CD101: variants seen among roughly 807,000 people sequenced by gnomAD.
CD101 encodes the protein immunoglobulin superfamily member 2.
Under a neutral mutation model 98.2 loss-of-function variants are expected in CD101, and 76 were observed. The ratio of observed to expected loss-of-function variants is 0.77; its 90% CI spans 0.64 to 0.94. CD101 has a LOEUF of 0.94. Ranked by LOEUF, CD101 falls within the 40% of genes least tolerant of loss-of-function variation. CD101 has a pLI of 0.00. For missense variants in CD101, 1,145 were observed against 1,218.8 expected (o/e 0.94, Z 0.90); for synonymous variants, 471 against 472.7 (o/e 1.00, Z 0.05).
intron 9 of CD101, among the ~76,000 whole-genome samples, chr1:117,035,321 A>G (rs531577727): frequency 6.6e-6 from 1 of 152,322 alleles, no homozygotes; most frequent in East Asian, 1.9e-4. Flanking sequence ...AGTTTTAATT[A>G]TTTGATCAGG....
At chr1:117,002,789 T>C (rs538504411) in intron 1 of CD101, among the ~76,000 whole-genome samples, 5 of 152,318 alleles carry the variant, frequency 3.3e-5, no homozygotes, top group African/African-American at 1.2e-4. Context: ...TTCAAAGTAA[T>C]GATGAGTATA....
In CD101 at chr1:117,010,785, T is replaced by A. The variant is rs1334307420; in HGVS notation, c.424+555T>A. ...AGGACCCAGTTTAGATATTACCTCT[T>A]CTGTGGAACTCATCTTGACTGCTTG... On this transcript the variant is annotated intron_variant, in intron 2 of 9. Transcript: ENST00000682167. This position sits in a 1 kb window ranked among gnomAD's most constrained non-coding sequence, Gnocchi z 5.2. Among the ~76,000 whole-genome samples the A allele has an allele frequency of 6.6e-6, 1 of 152,230 alleles. No homozygotes were observed. Among genetic ancestry groups the A allele is most frequent in the Admixed American group, 6.5e-5 (1 of 15,284 alleles).
intron 8 of CD101, among the ~76,000 whole-genome samples, chr1:117,027,978 G>C (rs1446924412): frequency 6.6e-6 from 1 of 152,184 alleles, no homozygotes; most frequent in Admixed American, 6.5e-5. Flanking sequence ...CCAGCTACTC[G>C]GGAGGCTGAG....
rs888326244 is a variant in CD101 at position 117,004,627 on chromosome 1, C to T, written c.43+2767C>T. 1.2e-4 allele frequency among the ~76,000 whole-genome samples: 19 copies of T among 152,052 alleles called. No individual in the cohort carries two copies. The highest frequency in any genetic ancestry group is 4.3e-4 in the African/African-American group (18 of 41,390). On this transcript the variant is annotated intron_variant, in intron 1 of 9. Transcript: ENST00000682167. The surrounding 1 kb of genome is among the most constrained non-coding windows in gnomAD (Gnocchi z 4.1). ...TAAAAGAGAGAGCAAGAGGGCAGTC[C>T]TCACAGGTGTTTTTCGGAGGGTGGA...
chr1:117,001,802 G>A lies in CD101; in HGVS notation c.-16G>A, dbSNP rs748260336. 6.2e-7 allele frequency: 1 copy of A among 1,613,554 alleles called. No homozygotes were observed. The highest frequency in any genetic ancestry group is 8.5e-7 in the Non-Finnish European group (1 of 1,179,592). Reference sequence around the variant, plus strand: ...TAGTGACACTATTGGGACGAAAAAGGACTGTGCTGGCCCAAATGGCAGGCA... The same window carrying A: ...TAGTGACACTATTGGGACGAAAAAGAACTGTGCTGGCCCAAATGGCAGGCA... On this transcript the variant is annotated 5_prime_UTR_variant, in exon 1 of 10. Transcript: ENST00000682167.
intron 8 of CD101, among the ~76,000 whole-genome samples, chr1:117,031,343 A>G (rs776046542): frequency 2.6e-5 from 4 of 152,082 alleles, no homozygotes; most frequent in Non-Finnish European, 5.9e-5. Flanking sequence ...TAGTGGCCCC[A>G]TCTCGCCATC....
chr1:117,017,836 G>A (rs1653333201), intron 5 of CD101, among the ~76,000 whole-genome samples: 1 of 152,166 alleles, frequency 6.6e-6, no homozygotes, highest in African/African-American at 2.4e-5. Context: ...CACGCATGGG[G>A]GTAAGGGAAG....
chr1:117,032,314 A>G (rs1209822823), intron 8 of CD101: 1 of 152,174 alleles, frequency 6.6e-6, no homozygotes, highest in African/African-American at 2.4e-5. Flanking sequence ...CAATTGATTC[A>G]TTCATCAGGC....
At chr1:117,003,149 A>G (rs577651012) in intron 1 of CD101, among the ~76,000 whole-genome samples, 47 of 152,018 alleles carry the variant, frequency 3.1e-4, no homozygotes, top group Admixed American at 3.1e-3. Flanking sequence ...CTAAAAAAAC[A>G]AACAAACAAA....
rs1439228279 is a variant in CD101, at chr1:117,010,240, T to C, written c.424+10T>C. On this transcript the variant is annotated intron_variant, in intron 2 of 9. Transcript: ENST00000682167. The surrounding 1 kb of genome is among the most constrained non-coding windows in gnomAD (Gnocchi z 5.2). ...AAGACTAATCTAATTGGTAAGTTGC[T>C]TGTCCACTTCTGCTAGCCAGCCCCT... The C allele has an allele frequency of 2.5e-6, 4 of 1,597,662 alleles. No homozygotes were observed. The highest frequency in any genetic ancestry group is 3.4e-6 in the Non-Finnish European group (4 of 1,169,100).
At chr1:117,014,671 C>CA (rs1272101824) in intron 4 of CD101, among the ~76,000 whole-genome samples, 2 of 151,766 alleles carry the variant, frequency 1.3e-5, no homozygotes, top group Non-Finnish European at 2.9e-5. Context: ...ATTAATTGCC[C>CA]AAAAAAAATT....
rs963533027 is a variant in CD101, at chr1:117,010,268, G to C, written c.424+38G>C. 6.4e-7 allele frequency: 1 copy of C among 1,573,844 alleles called. No individual in the cohort carries two copies. The highest frequency in any genetic ancestry group is 1.4e-5 in the African/African-American group (1 of 73,982). Reference sequence around the variant, plus strand: ...TCCACTTCTGCTAGCCAGCCCCTGAGAAGCCAGAGTCTCCACCATGACAAT... The same window carrying C: ...TCCACTTCTGCTAGCCAGCCCCTGACAAGCCAGAGTCTCCACCATGACAAT... On this transcript the variant is annotated intron_variant, in intron 2 of 9. Transcript: ENST00000682167. The surrounding 1 kb of genome is among the most constrained non-coding windows in gnomAD (Gnocchi z 5.2).
Position 117,021,789 on chromosome 1 carries a change from C to G in CD101, c.2234C>G (p.Pro745Arg). Residue 745 changes from proline to arginine, a missense_variant, in exon 7 of 10, where the codon CCA becomes CGA. Physicochemically the swap from Pro to Arg is moderately radical, Grantham distance 103 (BLOSUM62 -2). Coordinates refer to ENST00000682167, the MANE Select transcript of CD101 (RefSeq NM_001256106.3). This position sits in a 1 kb window ranked among gnomAD's most constrained non-coding sequence, Gnocchi z 4.7. The part of the protein sequence containing the change: ...VIKTGDEFHT[P>R]QRKQKFHTEK... ...AAAACTGGGGATGAGTTTCACACCC[C>G]ACAGAGAAAACAAAAATTTCATACT... 1 of 1,614,102 alleles carries G rather than the reference C, an allele frequency of 6.2e-7. No homozygotes were observed. Among genetic ancestry groups the G allele is most frequent in the Non-Finnish European group, 8.5e-7 (1 of 1,180,008 alleles).
At position 117,005,048 on chromosome 1, in the gene CD101, A is replaced by G. The variant is rs1570708414; in HGVS notation, c.43+3188A>G. Among the ~76,000 whole-genome samples, 1 of 152,126 alleles carries G rather than the reference A, an allele frequency of 6.6e-6. No individual in the cohort carries two copies. The highest frequency in any genetic ancestry group is 1.9e-4 in the East Asian group (1 of 5,154). On this transcript the variant is annotated intron_variant, in intron 1 of 9. Coordinates refer to ENST00000682167, the MANE Select transcript of CD101 (RefSeq NM_001256106.3). The surrounding 1 kb of genome is among the most constrained non-coding windows in gnomAD (Gnocchi z 4.4). ...TCCTGGACTCTTTTACAAGGGCATT[A>G]ATCCCATTCATGAGAGCACAGCCCT...
At chr1:117,003,391 T>C (rs1652355660) in intron 1 of CD101, among the ~76,000 whole-genome samples, 1 of 152,226 alleles carries the variant, frequency 6.6e-6, no homozygotes, top group African/African-American at 2.4e-5. Context: ...GAGTCAGACC[T>C]AGGGCCTGCA....
rs1401916899 is a variant in CD101 at position 117,030,218 on chromosome 1, AC to A, written c.2825-3641del. ...CCAGGAGTTTGAGACCCCTGTCTCT[AC>A]AAAAAATTTAAAAATTAGACACATG... On this transcript the variant is annotated intron_variant, in intron 8 of 9. Coordinates refer to ENST00000682167, the MANE Select transcript of CD101 (RefSeq NM_001256106.3). 3.3e-5 allele frequency among the ~76,000 whole-genome samples: 5 copies of A among 152,248 alleles called. No homozygotes were observed. In the East Asian group the frequency reaches 5.8e-4, roughly 18 times the overall value.
chr1:117,002,053 A>G (rs1652259094), intron 1 of CD101, among the ~76,000 whole-genome samples, 193 bp downstream of exon 1: 1 of 152,194 alleles, frequency 6.6e-6, no homozygotes, highest in South Asian at 2.1e-4. Flanking sequence ...GGGAGTCACA[A>G]TGCTTGGTTG....
intron 8 of CD101, among the ~76,000 whole-genome samples, chr1:117,031,240 C>T (rs1439626986): frequency 6.6e-6 from 1 of 152,186 alleles, no homozygotes; most frequent in African/African-American, 2.4e-5. Flanking sequence ...TTGCACTAAG[C>T]TGGGCAGCCT....
In CD101 at chr1:117,011,911, G is replaced by T. The variant is rs1180005016; in HGVS notation, c.786G>T (p.Trp262Cys). The change falls in exon 3 of 10, where the codon TGG (tryptophan) becomes TGT (cysteine). Residue 262 changes from tryptophan (W) to cysteine (C), a missense_variant. Coordinates refer to ENST00000682167, the MANE Select transcript of CD101 (RefSeq NM_001256106.3). ...TEWIQDPDET[W>C]MFITKKQTDQ... ...GGATTCAGGATCCAGATGAAACTTG[G>T]ATGTTCATCACCAAAAAGCAGACCG... 6.8e-6 allele frequency: 11 copies of T among 1,613,986 alleles called. No homozygotes were observed. The highest frequency in any genetic ancestry group is 9.3e-6 in the Non-Finnish European group (11 of 1,180,018).
Sources: gnomAD v4.1 joint callset for allele counts (sites outside exome capture counted in the v4.1 genomes callset) on GRCh38, gnomAD v4.1.1 for gene constraint, Gnocchi (gnomAD v3.1) non-coding constraint, MANE v1.5 for transcripts, NCBI Gene and HGNC (gene_info 2026-07-23, HGNC 2026-07-21) for gene names.